Variants in FRMPD4 observed in about 807,000 individuals in gnomAD.
FRMPD4 encodes FERM and PDZ domain containing 4, also known as FERM and PDZ domain-containing protein 4.
Under a neutral mutation model 94.1 loss-of-function variants are expected in FRMPD4, and 22 were observed. The ratio of observed to expected loss-of-function variants is 0.23; its 90% confidence interval spans 0.17 to 0.33. FRMPD4 has a LOEUF of 0.33. Among genes scored for constraint, FRMPD4 ranks in the 10% least tolerant of loss-of-function variants. The pLI, the probability that FRMPD4 is intolerant of heterozygous loss-of-function variation, is 1.00. For synonymous variants in FRMPD4, 631 were observed against 548.6 expected (o/e 1.15, Z -2.10); for missense variants, 1,111 against 1,339.9 (o/e 0.83, Z 2.67).
At chrX:11,967,961 G>A (rs189439762) in intron 3 of FRMPD4, among the ~76,000 whole-genome samples, 3 of 109,586 alleles carry the variant, frequency 2.7e-5, no homozygotes, top group Non-Finnish European at 5.7e-5. Context: ...TAGGTCCACC[G>A]GTTCTTTTCA....
At chrX:12,602,832 A>G (rs890809876) in intron 2 of FRMPD4, among the ~76,000 whole-genome samples, 7 of 111,959 alleles carry the variant, frequency 6.3e-5, no homozygotes, top group African/African-American at 1.9e-4. Flanking sequence ...GGCAGTAAGA[A>G]CAGATGCCCA....
chrX:12,242,119 T>C (rs1040939754), intron 1 of FRMPD4, among the ~76,000 whole-genome samples: 5 of 111,969 alleles, frequency 4.5e-5, no homozygotes, highest in African/African-American at 1.6e-4. Flanking sequence ...GACTTTGGAA[T>C]TGTAACTGAG....
chrX:12,440,173 T>C (rs997566838), intron 1 of FRMPD4, among the ~76,000 whole-genome samples: 1 of 112,202 alleles, frequency 8.9e-6, no homozygotes, highest in African/African-American at 3.2e-5. Context: ...ATGCAACAGA[T>C]AATGATGTAG....
At chrX:12,027,687 C>T (rs1446724934) in intron 3 of FRMPD4, among the ~76,000 whole-genome samples, 1 of 111,735 alleles carries the variant, frequency 8.9e-6, no homozygotes, top group African/African-American at 3.3e-5. Context: ...TTATTGACAT[C>T]GAATGAAATA....
chrX:12,500,140 C>A (rs779457349), intron 2 of FRMPD4, among the ~76,000 whole-genome samples: 1 of 111,024 alleles, frequency 9.0e-6, no homozygotes, highest in South Asian at 3.8e-4. Context: ...ATTCATGAAA[C>A]AGATTTGAAA....
intron 3 of FRMPD4, among the ~76,000 whole-genome samples, chrX:12,036,622 G>C (rs2054722022): frequency 8.9e-6 from 1 of 111,739 alleles, no homozygotes; most frequent in Non-Finnish European, 1.9e-5. Context: ...AATAAAATAA[G>C]TAATTATTCC....
At chrX:12,392,109 C>T (rs1464963050) in intron 1 of FRMPD4, among the ~76,000 whole-genome samples, 2 of 109,416 alleles carry the variant, frequency 1.8e-5, no homozygotes, top group Non-Finnish European at 3.8e-5. Context: ...TCTTGGCTCA[C>T]TGCAACCTCT....
intron 1 of FRMPD4, among the ~76,000 whole-genome samples, chrX:12,197,366 G>A (rs1384810521): frequency 9.0e-6 from 1 of 111,656 alleles, no homozygotes; most frequent in Non-Finnish European, 1.9e-5. Flanking sequence ...AGAGATTACT[G>A]CTATTGTCAT....
Position 12,242,446 on chromosome X carries a change from T to C in FRMPD4, c.41+103434T>C, listed in dbSNP as rs771648868. ...AATGTACTTCCAACCCATCTAAAAC[T>C]CTAAACAGTTTCCCCCAAATATCAA... On this transcript the variant is annotated intron_variant, in intron 1 of 16. Coordinates refer to ENST00000675598, the MANE Select transcript of FRMPD4 (RefSeq NM_001368397.1). Among the ~76,000 whole-genome samples, 120 of 112,276 alleles carry C rather than the reference T, an allele frequency of 1.1e-3. 1 individual carries two copies. The highest frequency in any genetic ancestry group is 3.8e-3 in the African/African-American group (118 of 30,926).
rs1169732749 is a variant in FRMPD4, at chrX:11,967,734, A to ATGTGTGTG, written c.95+89732_95+89739dup. ...GGAGAAGAGGATGATTTCTAGGCAGATGTGTGTGTGTGTGTGTGTGTGTTT... is the reference window on the plus strand; with the variant it reads ...GGAGAAGAGGATGATTTCTAGGCAGATGTGTGTGTGTGTGTGTGTGTGTGTGTGTGTTT... On this transcript the variant is annotated intron_variant, in intron 3 of 18. Coordinates refer to the FRMPD4 transcript ENST00000640291. 2.3e-3 allele frequency among the ~76,000 whole-genome samples: 206 copies of ATGTGTGTG among 90,468 alleles called. 1 individual carries two copies. The highest frequency in any genetic ancestry group is 5.6e-3 in the Middle Eastern group (1 of 178). 78.6% of individuals were successfully genotyped at this position (90,468 alleles called of 115,157 possible). A position where few individuals can be genotyped will look rare whatever the true frequency, so the allele number is the denominator to read the frequency against.
chrX:12,163,091 T>C (rs2056051670), intron 1 of FRMPD4, among the ~76,000 whole-genome samples: 1 of 110,635 alleles, frequency 9.0e-6, no homozygotes, highest in Admixed American at 9.7e-5. Flanking sequence ...AATTTTTATG[T>C]ACAGGTGAAA....
chrX:11,976,273 A>G (rs1022259112), intron 3 of FRMPD4, among the ~76,000 whole-genome samples: 22 of 112,354 alleles, frequency 2.0e-4, no homozygotes, highest in African/African-American at 6.5e-4. Flanking sequence ...ACACACACAA[A>G]AATTAAAGAC....
chrX:12,511,034 G>A (rs146723456), intron 2 of FRMPD4, among the ~76,000 whole-genome samples: 4,833 of 112,303 alleles, frequency 0.043, 229 homozygotes, highest in African/African-American at 0.14. Flanking sequence ...TTAGGAAATT[G>A]GAGATGTTTT....
intron 1 of FRMPD4, among the ~76,000 whole-genome samples, chrX:12,250,046 C>CTG (rs1368264470): frequency 1.0e-3 from 70 of 68,914 alleles, no homozygotes; most frequent in African/African-American, 4.3e-3. Flanking sequence ...CTCTCTCTCT[C>CTG]TCTGTGTGTG....
At chrX:11,830,367 T>A (rs1374774358) in intron 1 of FRMPD4, among the ~76,000 whole-genome samples, 2 of 112,103 alleles carry the variant, frequency 1.8e-5, no homozygotes, top group Non-Finnish European at 3.8e-5. Flanking sequence ...TAAACTACAC[T>A]GTTATACAAA....
chrX:11,865,816 A>C (rs1036788120), intron 2 of FRMPD4, among the ~76,000 whole-genome samples: 1 of 112,046 alleles, frequency 8.9e-6, no homozygotes, highest in African/African-American at 3.2e-5. Context: ...AGTGAGCTGA[A>C]TCAAAATCAA....
At chrX:12,528,409 C>G (rs1339750983) in intron 2 of FRMPD4, among the ~76,000 whole-genome samples, 10 of 104,903 alleles carry the variant, frequency 9.5e-5, no homozygotes, top group African/African-American at 3.5e-4. Context: ...CAACCTCCAC[C>G]TTCTGGGTTC....
At chrX:12,270,926 A>C (rs994386729) in intron 1 of FRMPD4, among the ~76,000 whole-genome samples, 1 of 112,080 alleles carries the variant, frequency 8.9e-6, no homozygotes, top group African/African-American at 3.2e-5. Context: ...TGAAGAGTAC[A>C]TGGGAACTTT....
intron 1 of FRMPD4, among the ~76,000 whole-genome samples, chrX:12,307,508 A>G (rs778064174): frequency 8.9e-5 from 10 of 111,898 alleles, no homozygotes; most frequent in African/African-American, 3.2e-4. Flanking sequence ...ATAATTCAAT[A>G]TATATGAAGT....
Sources: gnomAD v4.1 joint callset for allele counts (sites outside exome capture counted in the v4.1 genomes callset) on GRCh38, gnomAD v4.1.1 for gene constraint, MANE v1.5 for transcripts, NCBI Gene and HGNC (gene_info 2026-07-23, HGNC 2026-07-21) for gene names.